Variants in ARFGEF1 observed in about 807,000 individuals in gnomAD.
ARFGEF1 encodes brefeldin A-inhibited guanine nucleotide-exchange protein 1.
In ARFGEF1, 42 loss-of-function variants were observed where a neutral mutation model predicts 231.0. That is an observed-to-expected ratio of 0.18 (90% CI 0.14 to 0.24). The LOEUF (loss-of-function observed/expected upper bound fraction) is 0.24. Ranked by LOEUF, ARFGEF1 falls within the 10% of genes least tolerant of loss-of-function variation. The pLI is 1.00. For missense variants in ARFGEF1, 1,345 were observed against 2,192.0 expected, an observed-to-expected ratio of 0.61 and a Z score of 7.72; for synonymous variants, 710 against 732.3, an observed-to-expected ratio of 0.97 and a Z score of 0.49.
chr8:67,309,736 G>A (rs1311518545), intron 1 of ARFGEF1, among the ~76,000 whole-genome samples: 1 of 152,202 alleles, frequency 6.6e-6, no homozygotes, highest in African/African-American at 2.4e-5. Flanking sequence ...ATTCAGGGGT[G>A]TTAACTAGCC....
chr8:67,210,203 C>T (rs142869526), intron 34 of ARFGEF1, among the ~76,000 whole-genome samples: 9 of 144,412 alleles, frequency 6.2e-5, no homozygotes, highest in Non-Finnish European at 9.0e-5. Flanking sequence ...CCTGGACAGA[C>T]GTCGTGGCAC....
At chr8:67,324,257 G>A (rs561454430) in intron 1 of ARFGEF1, among the ~76,000 whole-genome samples, 2 of 152,256 alleles carry the variant, frequency 1.3e-5, no homozygotes, top group East Asian at 3.9e-4. Flanking sequence ...TCGCGCCACT[G>A]CACTCTAGCT....
chr8:67,190,252 T>C (rs1181170805), intron 5 of ARFGEF1, among the ~76,000 whole-genome samples: 1 of 152,192 alleles, frequency 6.6e-6, no homozygotes, highest in African/African-American at 2.4e-5. Flanking sequence ...TAAAATGTAA[T>C]AAACAACTTA....
Position 67,198,602 on chromosome 8 carries a change from T to A in ARFGEF1, c.*332A>T. On this transcript the variant is annotated 3_prime_UTR_variant, in exon 39 of 39. Coordinates refer to ENST00000262215, the MANE Select transcript of ARFGEF1 (RefSeq NM_006421.5). The stretch of plus-strand genomic sequence containing the variant: ...GTACTTCTTGTAGAAGTTCAATCTT[T>A]ACATCTATAGTTCTTTGGGTAAGTT... 1 of 1,045,710 alleles carries A rather than the reference T, an allele frequency of 9.6e-7. No homozygotes were observed. The highest frequency in any genetic ancestry group is 1.1e-6 in the Non-Finnish European group (1 of 869,580). The allele number at this position is 1,045,710 out of a possible 1,614,324, so 64.8% of individuals were successfully genotyped here. A position where few individuals can be genotyped will look rare whatever the true frequency, so the allele number is the denominator to read the frequency against.
intron 1 of ARFGEF1, among the ~76,000 whole-genome samples, chr8:67,314,719 C>T (rs1157565189): frequency 6.6e-6 from 1 of 150,968 alleles, no homozygotes; most frequent in South Asian, 2.1e-4. Flanking sequence ...TTCTTGCAGT[C>T]GATCTGGAGC....
chr8:67,203,279 T>C (rs1287766088), intron 35 of ARFGEF1, 28 bp from the exon 36 acceptor site: 3 of 1,605,040 alleles, frequency 1.9e-6, no homozygotes, highest in Non-Finnish European at 2.5e-6. Flanking sequence ...CCCCAGCATA[T>C]ACACACAGTC....
chr8:67,199,282 A>G (rs906436297), intron 38 of ARFGEF1, 184 bp from the exon 39 acceptor site: 4 of 579,686 alleles, frequency 6.9e-6, no homozygotes, highest in Admixed American at 3.8e-5. Context: ...TCATACAAAC[A>G]CTATTCACTT....
intron 5 of ARFGEF1, chr8:67,190,778 T>C (rs536123064): frequency 6.5e-7 from 1 of 1,535,282 alleles, no homozygotes; most frequent in East Asian, 2.2e-5. Context: ...GAGACTTTTC[T>C]CCCCCTTTTC....
chr8:67,256,290 TAATA>T (rs559932622), intron 17 of ARFGEF1, among the ~76,000 whole-genome samples: 21 of 152,356 alleles, frequency 1.4e-4, no homozygotes, highest in African/African-American at 4.8e-4. Context: ...TTAAATTCTT[TAATA>T]AATTTTTAAA....
In ARFGEF1 at chr8:67,228,148, A is replaced by G; in HGVS notation, c.3422-16T>C. ...ACAAAATCCACTGTAATATAAATAC[A>G]TTTTTTTTTTAGCTCAACATTAAAG... On this transcript the variant is annotated splice_polypyrimidine_tract_variant and intron_variant, in intron 24 of 38. Transcript: ENST00000262215. The G allele has an allele frequency of 7.0e-7, 1 of 1,433,826 alleles. No individual in the cohort carries two copies. The highest frequency in any genetic ancestry group is 9.5e-7 in the Non-Finnish European group (1 of 1,050,256). 88.8% of individuals were successfully genotyped at this position (1,433,826 alleles called of 1,614,324 possible).
At chr8:67,317,422 A>G (rs1321309533) in intron 1 of ARFGEF1, among the ~76,000 whole-genome samples, 7 of 152,130 alleles carry the variant, frequency 4.6e-5, no homozygotes, top group Non-Finnish European at 8.8e-5. Context: ...CAACTCCAGA[A>G]CCAAATTATG....
At chr8:67,317,143 C>T (rs7812777) in intron 1 of ARFGEF1, among the ~76,000 whole-genome samples, 51,099 of 152,030 alleles carry the variant, frequency 0.34, 8,962 homozygotes, top group African/African-American at 0.43. Context: ...AAAAGCTTTG[C>T]GTCTGAGGCC....
intron 1 of ARFGEF1, among the ~76,000 whole-genome samples, chr8:67,311,444 G>A (rs1485580957): frequency 6.5e-5 from 9 of 138,018 alleles, no homozygotes; most frequent in Non-Finnish European, 9.5e-5. Context: ...CCGGCCAGCC[G>A]CCCCATCAGG....
chr8:67,320,416 A>G (rs990814469), intron 1 of ARFGEF1, among the ~76,000 whole-genome samples: 1 of 152,140 alleles, frequency 6.6e-6, no homozygotes, highest in Non-Finnish European at 1.5e-5. Flanking sequence ...GAAATGCACA[A>G]TAGCACAGCC....
chr8:67,198,148 TCTAC>T lies in ARFGEF1; in HGVS notation c.*782_*785del. The T allele has an allele frequency of 1.0e-6, 1 of 985,818 alleles. No individual in the cohort carries two copies. Among genetic ancestry groups the T allele is most frequent in the Non-Finnish European group, 1.2e-6 (1 of 829,930 alleles). The allele number at this position is 985,818 out of a possible 1,614,324, so 61.1% of individuals were successfully genotyped here. On this transcript the variant is annotated 3_prime_UTR_variant, in exon 39 of 39. Coordinates refer to ENST00000262215, the MANE Select transcript of ARFGEF1 (RefSeq NM_006421.5). ...GTAGTTACTGTCAGTAGGGATATTT[TCTAC>T]CTTTTTTTCCCTATTGTTGAAGTGT... is the stretch of plus-strand genomic sequence containing the variant.
chr8:67,207,212 C>T (rs986387075), intron 34 of ARFGEF1: 11 of 152,346 alleles, frequency 7.2e-5, no homozygotes, highest in African/African-American at 2.4e-4. Flanking sequence ...AAAAACATCT[C>T]AGTCCCAGGG....
chr8:67,176,514 A>G (rs1337324390), intron 5 of ARFGEF1, among the ~76,000 whole-genome samples: 1 of 152,206 alleles, frequency 6.6e-6, no homozygotes, highest in Non-Finnish European at 1.5e-5. Flanking sequence ...GAATAAGCCT[A>G]ATTCTAGGAT....
In ARFGEF1 at chr8:67,198,636, A is replaced by T; in HGVS notation, c.*298T>A. The T allele has an allele frequency of 2.7e-6, 3 of 1,115,122 alleles. No individual in the cohort carries two copies. Among genetic ancestry groups the T allele is most frequent in the African/African-American group, 1.7e-5 (1 of 59,696 alleles). 69.1% of individuals were successfully genotyped at this position (1,115,122 alleles called of 1,614,324 possible). On this transcript the variant is annotated 3_prime_UTR_variant, in exon 39 of 39. Coordinates refer to ENST00000262215, the MANE Select transcript of ARFGEF1 (RefSeq NM_006421.5). The stretch of plus-strand genomic sequence containing the variant: ...AGTTCTTTGGGTAAGTTTCACTTCC[A>T]CACCTGCCAAAAACGTGGGGCTTTT...
intron 1 of ARFGEF1, among the ~76,000 whole-genome samples, chr8:67,337,850 T>G (rs1449829795): frequency 6.6e-6 from 1 of 152,186 alleles, no homozygotes; most frequent in Non-Finnish European, 1.5e-5. Flanking sequence ...CTAGAATGTG[T>G]GTTCTATGAA....
Sources: gnomAD v4.1 joint callset for allele counts (sites outside exome capture counted in the v4.1 genomes callset) on GRCh38, gnomAD v4.1.1 for gene constraint, MANE v1.5 for transcripts, NCBI Gene and HGNC (gene_info 2026-07-23, HGNC 2026-07-21) for gene names.